EYA2: variants seen among roughly 807,000 people sequenced by gnomAD.
EYA2 encodes protein phosphatase EYA2.
Under a neutral mutation model 69.2 loss-of-function variants are expected in EYA2, and 31 were observed. That is an observed-to-expected ratio of 0.45 (90% CI 0.34 to 0.60). EYA2 has a LOEUF of 0.60. Among genes scored for constraint, EYA2 ranks in the 20% least tolerant of loss-of-function variants. EYA2 has a pLI of 0.02. For synonymous variants in EYA2, 257 were observed against 279.4 expected, an observed-to-expected ratio of 0.92 and a Z score of 0.80; for missense variants, 622 against 701.2, an observed-to-expected ratio of 0.89 and a Z score of 1.28.
chr20:47,088,418 A>G (rs147180340), intron 7 of EYA2, among the ~76,000 whole-genome samples: 3 of 152,220 alleles, frequency 2.0e-5, no homozygotes, highest in African/African-American at 7.2e-5. Flanking sequence ...CTGTTCATCT[A>G]GGCATGCTCA....
chr20:47,102,514 T>C (rs1324746918), intron 9 of EYA2, among the ~76,000 whole-genome samples: 2 of 152,202 alleles, frequency 1.3e-5, no homozygotes, highest in South Asian at 2.1e-4. Flanking sequence ...CTGCATACCA[T>C]GCAGGAAGCC....
chr20:47,094,760 C>T (rs982347496), intron 8 of EYA2, among the ~76,000 whole-genome samples: 3 of 152,154 alleles, frequency 2.0e-5, no homozygotes, highest in Non-Finnish European at 2.9e-5. Flanking sequence ...ATTAGCCAGG[C>T]GTAGTGGCTC....
chr20:47,062,702 T>C lies in EYA2; in HGVS notation c.416-9483T>C, dbSNP rs1490415489. Reference sequence around the variant, plus strand: ...ACATGGGAGGGCCGGGCCCAGCTTGTCCTCCCTCTGTCCAGAAGAGCCTTC... The same window carrying C: ...ACATGGGAGGGCCGGGCCCAGCTTGCCCTCCCTCTGTCCAGAAGAGCCTTC... On this transcript the variant is annotated intron_variant, in intron 5 of 15. Coordinates refer to ENST00000327619, the MANE Select transcript of EYA2 (RefSeq NM_005244.5). Among the ~76,000 whole-genome samples the C allele has an allele frequency of 2.0e-5, 3 of 152,238 alleles. No individual in the cohort carries two copies. In the East Asian group the frequency reaches 5.8e-4, roughly 29 times the overall value.
intron 1 of EYA2, among the ~76,000 whole-genome samples, chr20:46,950,367 T>G (rs1044763238): frequency 3.9e-5 from 6 of 152,156 alleles, no homozygotes; most frequent in African/African-American, 1.4e-4. Context: ...AGCCCTGATA[T>G]TCTAAGAGTC....
rs151325715 is a variant in EYA2 at position 46,935,122 on chromosome 20, G to A, written c.-11+40135G>A. On this transcript the variant is annotated intron_variant, in intron 1 of 15. Coordinates refer to ENST00000327619, the MANE Select transcript of EYA2 (RefSeq NM_005244.5). ...GGAGTGGCTAAGACTTAGCTGGGGC[G>A]TGGAGCACATTTCCCCTGCATCAGC... Among the ~76,000 whole-genome samples the A allele has an allele frequency of 7.0e-3, 1,073 of 152,318 alleles. 6 individuals are homozygous for A. Among genetic ancestry groups the A allele is most frequent in the South Asian group, 0.038 (185 of 4,830 alleles).
intron 1 of EYA2, among the ~76,000 whole-genome samples, chr20:46,987,954 CTCTCTCTCTCTATATATATATATATATA>C (rs1318258929): frequency 1.4e-3 from 59 of 43,572 alleles, no homozygotes; most frequent in Admixed American, 8.8e-3. Flanking sequence ...CTCTCTCTCT[CTCTCTCTCTCTATATATATATATATATA>C]TATATATATA....
chr20:46,986,299 G>GTATATAT lies in EYA2; in HGVS notation c.-10-3687_-10-3681dup, dbSNP rs1010254113. On this transcript the variant is annotated intron_variant, in intron 1 of 15. Coordinates refer to ENST00000327619, the MANE Select transcript of EYA2 (RefSeq NM_005244.5). The stretch of plus-strand genomic sequence containing the variant: ...TATAATATATCTCTATATATCTAAT[G>GTATATAT]TATATATTATATATTATATATAATA... 4.8e-5 allele frequency among the ~76,000 whole-genome samples: 6 copies of GTATATAT among 125,930 alleles called. No individual in the cohort carries two copies. In the South Asian group the frequency reaches 1.6e-3, roughly 34 times the overall value. The allele number at this position is 125,930 out of a possible 152,430, so 82.6% of individuals were successfully genotyped here.
intron 5 of EYA2, among the ~76,000 whole-genome samples, chr20:47,045,672 T>C (rs1378796118): frequency 6.6e-6 from 1 of 152,228 alleles, no homozygotes; most frequent in Non-Finnish European, 1.5e-5. Flanking sequence ...TCCGTCTACA[T>C]GAGCAATGGA....
intron 9 of EYA2, among the ~76,000 whole-genome samples, chr20:47,128,437 C>T (rs576750506): frequency 3.3e-5 from 5 of 152,058 alleles, no homozygotes; most frequent in East Asian, 1.9e-4. Context: ...AGCTGCCTGC[C>T]GTTTCTCCTC....
intron 1 of EYA2, among the ~76,000 whole-genome samples, chr20:46,969,076 A>AT (rs3092441): frequency 0.22 from 33,973 of 151,914 alleles, 4,084 homozygotes; most frequent in Non-Finnish European, 0.27. Flanking sequence ...GCTAGCTGGG[A>AT]TTTTTTTTAC....
chr20:47,030,959 A>G (rs559348149), intron 5 of EYA2, among the ~76,000 whole-genome samples: 1 of 152,194 alleles, frequency 6.6e-6, no homozygotes, highest in African/African-American at 2.4e-5. Context: ...AACTCTTATG[A>G]CCTCATTTAA....
At position 46,959,434 on chromosome 20, in the gene EYA2, C is replaced by A. The variant is rs149997701; in HGVS notation, c.-10-30567C>A. On this transcript the variant is annotated intron_variant, in intron 1 of 15. Transcript: ENST00000327619. ...GAATTGTGACAATCAAAAAGGTTTCCAGACATTGCCAAGTGTTCTCTGTGG... is the reference window on the plus strand; with the variant it reads ...GAATTGTGACAATCAAAAAGGTTTCAAGACATTGCCAAGTGTTCTCTGTGG... Among the ~76,000 whole-genome samples, 702 of 152,244 alleles carry A rather than the reference C, an allele frequency of 4.6e-3. 6 individuals carry two copies. The highest frequency in any genetic ancestry group is 0.016 in the African/African-American group (685 of 41,536).
chr20:47,010,585 T>C (rs1982995128), intron 4 of EYA2, among the ~76,000 whole-genome samples: 1 of 151,588 alleles, frequency 6.6e-6, no homozygotes, highest in South Asian at 2.1e-4. Flanking sequence ...ACTGTGAGCA[T>C]GCCACTGCAC....
At chr20:47,083,800 C>T (rs2031804829) in intron 7 of EYA2, among the ~76,000 whole-genome samples, 1 of 152,096 alleles carries the variant, frequency 6.6e-6, no homozygotes, top group Non-Finnish European at 1.5e-5. Context: ...AACTGGACTT[C>T]ATACAAATTT....
chr20:46,976,048 G>T (rs1210453020), intron 1 of EYA2, among the ~76,000 whole-genome samples: 1 of 152,098 alleles, frequency 6.6e-6, no homozygotes, highest in East Asian at 1.9e-4. Context: ...GGCTGCTGGG[G>T]AGGCATATTG....
chr20:46,936,024 A>G lies in EYA2; in HGVS notation c.-11+41037A>G, dbSNP rs889696079. On this transcript the variant is annotated intron_variant, in intron 1 of 15. Transcript: ENST00000327619. ...TTGGATTTTGGATTTTCAGATTCAG[A>G]GTGCTCAACTGCTGAGTGTATATAT... Among the ~76,000 whole-genome samples the G allele has an allele frequency of 1.1e-4, 17 of 152,310 alleles. No homozygotes were observed. In the East Asian group the frequency reaches 3.1e-3, roughly 28 times the overall value.
At chr20:47,036,902 G>A (rs1275113275) in intron 5 of EYA2, among the ~76,000 whole-genome samples, 1 of 152,146 alleles carries the variant, frequency 6.6e-6, no homozygotes, top group Non-Finnish European at 1.5e-5. Flanking sequence ...TTTCCACATT[G>A]GTAAGATACA....
At position 46,987,637 on chromosome 20, in the gene EYA2, G is replaced by A. The variant is rs1419324293; in HGVS notation, c.-10-2364G>A. On this transcript the variant is annotated intron_variant, in intron 1 of 15. Coordinates refer to ENST00000327619, the MANE Select transcript of EYA2 (RefSeq NM_005244.5). ...AGTTAACTACAGATCAAAAATATTC[G>A]GGGAGTGGGGCAAGCACAGTGGCTC... 4.6e-5 allele frequency among the ~76,000 whole-genome samples: 7 copies of A among 152,032 alleles called. No homozygotes were observed. In the East Asian group the frequency reaches 7.8e-4, roughly 17 times the overall value.
chr20:47,134,013 G>A (rs575290022), intron 9 of EYA2, among the ~76,000 whole-genome samples: 1 of 152,244 alleles, frequency 6.6e-6, no homozygotes, highest in Non-Finnish European at 1.5e-5. Context: ...CTGGCCAAGG[G>A]CCAGCCCTGA....
Sources: gnomAD v4.1 joint callset for allele counts (sites outside exome capture counted in the v4.1 genomes callset) on GRCh38, gnomAD v4.1.1 for gene constraint, MANE v1.5 for transcripts, NCBI Gene and HGNC (gene_info 2026-07-23, HGNC 2026-07-21) for gene names.